PCDHGA1: variants seen among roughly 807,000 people sequenced by gnomAD.
PCDHGA1 encodes protocadherin gamma subfamily A, 1, also known as protocadherin gamma-A1.
Under a neutral mutation model 58.0 loss-of-function variants are expected in PCDHGA1, and 32 were observed. That is an observed-to-expected ratio of 0.55 (90% CI 0.42 to 0.74). The LOEUF is 0.74. Among genes scored for constraint, PCDHGA1 ranks in the 30% least tolerant of loss-of-function variants. The pLI is 0.00. For missense variants in PCDHGA1, 1,205 were observed against 1,182.3 expected, an observed-to-expected ratio of 1.02 and a Z score of -0.28; for synonymous variants, 498 against 501.1, an observed-to-expected ratio of 0.99 and a Z score of 0.08.
rs779871354 is a variant in PCDHGA1 at position 141,428,131 on chromosome 5, G to A, written c.2422-66676G>A. 8.7e-6 allele frequency: 14 copies of A among 1,602,720 alleles called. No homozygotes were observed. The South Asian group carries it at 1.5e-4, about 18-fold the overall frequency. On this transcript the variant is annotated intron_variant, in intron 1 of 3. Transcript: ENST00000517417. ...CAGGCCATCGAGCCCGGGCTTTTCA[G>A]CCTGGGGCTGCACACGGGAACCTGC...
intron 1 of PCDHGA1, chr5:141,346,671 T>A: frequency 1.4e-6 from 1 of 696,800 alleles, no homozygotes; most frequent in Non-Finnish European, 2.4e-6. Context: ...TAATACATCG[T>A]GAGTGAAAGT....
At chr5:141,349,409 A>G (rs1758288143) in intron 1 of PCDHGA1, among the ~76,000 whole-genome samples, 1 of 152,206 alleles carries the variant, frequency 6.6e-6, no homozygotes, top group South Asian at 2.1e-4. Flanking sequence ...CACTGGTTTC[A>G]TAAAACAAAT....
intron 1 of PCDHGA1, chr5:141,441,986 C>A (rs2098288559): frequency 1.1e-5 from 3 of 269,098 alleles, no homozygotes; most frequent in South Asian, 7.5e-5. Context: ...GAATGCGCAC[C>A]GACGAGGTGC....
At chr5:141,492,710 G>A (rs11953270) in intron 1 of PCDHGA1, among the ~76,000 whole-genome samples, 27,341 of 152,278 alleles carry the variant, frequency 0.18, 2,647 homozygotes, top group Admixed American at 0.28. Flanking sequence ...GAAGCCTCGA[G>A]CAGGCGGACA....
At chr5:141,394,586 G>A in intron 1 of PCDHGA1, 1 of 1,613,888 alleles carries the variant, frequency 6.2e-7, no homozygotes. Context: ...TGACCAAGGT[G>A]GTGGCGGTGG....
chr5:141,485,586 TG>T lies in PCDHGA1; in HGVS notation c.2422-9219del. The T allele has an allele frequency of 6.2e-7, 1 of 1,612,402 alleles. No homozygotes were observed. Among genetic ancestry groups the T allele is most frequent in the Non-Finnish European group, 8.5e-7 (1 of 1,178,600 alleles). Reference sequence around the variant, plus strand: ...GCCCCCCGTTTTCCGCGGCAGCAGCTGGACTTGGAAATTGGGGAGGCAGCTC... The same window carrying T: ...GCCCCCCGTTTTCCGCGGCAGCAGCTGACTTGGAAATTGGGGAGGCAGCTC... On this transcript the variant is annotated intron_variant, in intron 1 of 3. Coordinates refer to ENST00000517417, the MANE Select transcript of PCDHGA1 (RefSeq NM_018912.3). The surrounding 1 kb of genome is among the most constrained non-coding windows in gnomAD (Gnocchi z 5.7).
chr5:141,509,621 C>T (rs1179988828), intron 3 of PCDHGA1, among the ~76,000 whole-genome samples: 1 of 152,178 alleles, frequency 6.6e-6, no homozygotes, highest in African/African-American at 2.4e-5. Flanking sequence ...AAACAAGTTC[C>T]TGGGTGATGC....
chr5:141,381,826 C>CTTCTTT (rs1777532522), intron 1 of PCDHGA1, among the ~76,000 whole-genome samples: 105 of 74,288 alleles, frequency 1.4e-3, no homozygotes, highest in Non-Finnish European at 1.6e-3. Flanking sequence ...CTTTCTTCTT[C>CTTCTTT]TTTTTTTTTT....
rs745698097 is a variant in PCDHGA1 at position 141,389,267 on chromosome 5, G to C, written c.2421+56162G>C. The C allele has an allele frequency of 3.0e-5, 48 of 1,613,890 alleles. No individual in the cohort carries two copies. The highest frequency in any genetic ancestry group is 4.0e-5 in the Non-Finnish European group (47 of 1,179,898). On this transcript the variant is annotated intron_variant, in intron 1 of 3. Coordinates refer to ENST00000517417, the MANE Select transcript of PCDHGA1 (RefSeq NM_018912.3). ...CTTCCTATATAGTCCACGTGGCCGA[G>C]AACAACCCGCCTGGAGCCTCTATTT...
intron 1 of PCDHGA1, chr5:141,384,851 A>G (rs1460277994): frequency 1.9e-6 from 3 of 1,613,516 alleles, no homozygotes; most frequent in East Asian, 2.2e-5. Flanking sequence ...GACCACGGTC[A>G]GCCTCCTCTG....
At chr5:141,481,533 T>TG (rs1246139713) in intron 1 of PCDHGA1, among the ~76,000 whole-genome samples, 2 of 152,200 alleles carry the variant, frequency 1.3e-5, no homozygotes, top group Admixed American at 6.5e-5. Context: ...AATCTAGAGA[T>TG]GGGGCTGGGC....
intron 1 of PCDHGA1, chr5:141,421,280 G>A (rs564480755): frequency 1.2e-6 from 2 of 1,612,948 alleles, no homozygotes; most frequent in South Asian, 2.2e-5. Context: ...CTGCTGCTGT[G>A]CATTTTCCTG....
At chr5:141,456,058 C>T (rs1488082918) in intron 1 of PCDHGA1, among the ~76,000 whole-genome samples, 3 of 151,880 alleles carry the variant, frequency 2.0e-5, no homozygotes, top group Admixed American at 6.6e-5. Context: ...CCACCACGTC[C>T]GGCTAATTTT....
At position 141,404,149 on chromosome 5, in the gene PCDHGA1, A is replaced by G. The variant is rs758060942; in HGVS notation, c.2421+71044A>G. The G allele has an allele frequency of 3.1e-6, 5 of 1,612,750 alleles. No individual in the cohort carries two copies. In the African/African-American group the frequency reaches 5.3e-5, roughly 17 times the overall value. On this transcript the variant is annotated intron_variant, in intron 1 of 3. Transcript: ENST00000517417. Reference sequence around the variant, plus strand: ...CTTTTACATTAGAAAATTCAGAAGAAGATTATTACAGATTGTTGACGGCCC... The same window carrying G: ...CTTTTACATTAGAAAATTCAGAAGAGGATTATTACAGATTGTTGACGGCCC...
At chr5:141,474,398 C>A (rs1381347745) in intron 1 of PCDHGA1, among the ~76,000 whole-genome samples, 3 of 152,212 alleles carry the variant, frequency 2.0e-5, no homozygotes, top group Non-Finnish European at 4.4e-5. Context: ...TTCTAACAAG[C>A]TCCCCGGTGA....
intron 1 of PCDHGA1, chr5:141,403,193 A>G (rs1291009856): frequency 1.9e-6 from 3 of 1,613,986 alleles, no homozygotes; most frequent in South Asian, 2.2e-5. Context: ...GAACCCGCGC[A>G]GCGGCACCTT....
intron 1 of PCDHGA1, among the ~76,000 whole-genome samples, chr5:141,347,821 T>G (rs931983168): frequency 2.0e-5 from 3 of 151,468 alleles, no homozygotes; most frequent in Non-Finnish European, 4.4e-5. Context: ...GGTCAAATGG[T>G]TTTACCTATA....
At chr5:141,504,340 G>C (rs1240423982) in intron 2 of PCDHGA1, among the ~76,000 whole-genome samples, 1 of 152,062 alleles carries the variant, frequency 6.6e-6, no homozygotes, top group Non-Finnish European at 1.5e-5. Flanking sequence ...CAAGTGCTAG[G>C]CTTTGTGCTA....
At chr5:141,452,839 C>A (rs939513310) in intron 1 of PCDHGA1, among the ~76,000 whole-genome samples, 2 of 152,092 alleles carry the variant, frequency 1.3e-5, no homozygotes, top group Non-Finnish European at 2.9e-5. Flanking sequence ...TTGGTCCAGC[C>A]CACACTCTGG....
Sources: gnomAD v4.1 joint callset for allele counts (sites outside exome capture counted in the v4.1 genomes callset) on GRCh38, gnomAD v4.1.1 for gene constraint, Gnocchi (gnomAD v3.1) non-coding constraint, MANE v1.5 for transcripts, NCBI Gene and HGNC (gene_info 2026-07-23, HGNC 2026-07-21) for gene names.